PBX4: variants seen among roughly 807,000 people sequenced by gnomAD.
PBX4 encodes pre-B-cell leukemia transcription factor 4.
PBX4 carries 26 observed loss-of-function variants against 35.1 expected under a neutral mutation model. That is an observed-to-expected ratio of 0.74 (90% confidence interval 0.54 to 1.03). The LOEUF (loss-of-function observed/expected upper bound fraction) is 1.03, where lower values mean the gene tolerates loss of function less well. Among genes scored for constraint, PBX4 ranks in the 50% least tolerant of loss-of-function variants. The pLI, the probability that PBX4 is intolerant of heterozygous loss-of-function variation, is 0.00. For missense variants in PBX4, 448 were observed against 504.3 expected (o/e 0.89, Z 1.07); for synonymous variants, 199 against 204.2 (o/e 0.97, Z 0.22).
At chr19:19,574,615 T>C (rs563809050) in intron 2 of PBX4, among the ~76,000 whole-genome samples, 46 of 151,464 alleles carry the variant, frequency 3.0e-4, no homozygotes, top group Admixed American at 1.1e-3. Context: ...TCCAGTTTGG[T>C]GGCCCAATTT....
At position 19,615,033 on chromosome 19, in the gene PBX4, C is replaced by T. The variant is rs183072770; in HGVS notation, c.119+3478G>A. 1.1e-3 allele frequency among the ~76,000 whole-genome samples: 165 copies of T among 151,654 alleles called. 1 individual carries two copies. Among genetic ancestry groups the T allele is most frequent in the African/African-American group, 3.9e-3 (160 of 41,340 alleles). Reference sequence around the variant, plus strand: ...AAAAAAATTAGCCAGGCGGTAGTGGCACACGCCTGTAATCCCAGCTACTCA... The same window carrying T: ...AAAAAAATTAGCCAGGCGGTAGTGGTACACGCCTGTAATCCCAGCTACTCA... On this transcript the variant is annotated intron_variant, in intron 1 of 7. Coordinates refer to ENST00000251203, the MANE Select transcript of PBX4 (RefSeq NM_025245.3).
chr19:19,595,684 A>T (rs530843076), intron 2 of PBX4, among the ~76,000 whole-genome samples: 1 of 147,388 alleles, frequency 6.8e-6, no homozygotes, highest in African/African-American at 2.5e-5. Flanking sequence ...ATGACCTGGC[A>T]CTGGGTGTTG....
At chr19:19,609,726 C>T (rs1182642079) in intron 1 of PBX4, among the ~76,000 whole-genome samples, 2 of 151,950 alleles carry the variant, frequency 1.3e-5, no homozygotes, top group East Asian at 1.9e-4. Flanking sequence ...TGGCGGGTGC[C>T]TGTATTCCCA....
At position 19,570,724 on chromosome 19, in the gene PBX4, TCTTC is replaced by T; in HGVS notation, c.299_302del (p.Gly100GlufsTer42). 1 of 1,614,172 alleles carries T rather than the reference TCTTC, an allele frequency of 6.2e-7. No individual in the cohort carries two copies. The highest frequency in any genetic ancestry group is 8.5e-7 in the Non-Finnish European group (1 of 1,180,036). On this transcript the variant is annotated frameshift_variant, in exon 3 of 8. Transcript: ENST00000251203. LOFTEE classifies it high-confidence loss of function. ...TGCCGGCCCTGGCCACCGCTCCTCC[TCTTC>T]CTCTCTTCTCGGGCCTGCACACGCC...
intron 2 of PBX4, among the ~76,000 whole-genome samples, chr19:19,594,313 G>T (rs776833184): frequency 1.3e-5 from 2 of 151,114 alleles, no homozygotes; most frequent in Non-Finnish European, 2.9e-5. Context: ...GCTGAGGCAG[G>T]AAAATTGCTT....
chr19:19,599,227 A>G, intron 2 of PBX4, 65 bp downstream of exon 2: 1 of 1,394,162 alleles, frequency 7.2e-7, no homozygotes, highest in Non-Finnish European at 1.0e-6. Context: ...TCCGCCTCCC[A>G]ATGTGCTGGG....
intron 1 of PBX4, among the ~76,000 whole-genome samples, chr19:19,610,154 C>T (rs1463411423): frequency 6.6e-6 from 1 of 152,246 alleles, no homozygotes; most frequent in African/African-American, 2.4e-5. Context: ...TGGCTCACGT[C>T]TGTAATCCCA....
chr19:19,565,640 G>A (rs188245557), intron 5 of PBX4, among the ~76,000 whole-genome samples: 6 of 152,142 alleles, frequency 3.9e-5, no homozygotes, highest in East Asian at 3.9e-4. Context: ...TTTTTTGGCC[G>A]GGCGTGGTGG....
intron 2 of PBX4, among the ~76,000 whole-genome samples, chr19:19,591,108 A>T (rs1287540275): frequency 2.0e-5 from 3 of 152,158 alleles, no homozygotes; most frequent in South Asian, 4.1e-4. Flanking sequence ...GGATACTCCA[A>T]TCAACCTGGA....
rs569048667 is a variant in PBX4 at position 19,600,089 on chromosome 19, C to A, written c.120-724G>T. ...CCTTGGAGGCAGAGGTTGCAGTGAG[C>A]CAAGATTGTGCCACTGTACTCCAGC... On this transcript the variant is annotated intron_variant, in intron 1 of 7. Transcript: ENST00000251203. Among the ~76,000 whole-genome samples the A allele has an allele frequency of 2.8e-4, 43 of 151,988 alleles. No homozygotes were observed. In the South Asian group the frequency reaches 8.3e-3, roughly 29 times the overall value.
chr19:19,579,264 G>A (rs565552815), intron 2 of PBX4, among the ~76,000 whole-genome samples: 2 of 151,868 alleles, frequency 1.3e-5, no homozygotes, highest in East Asian at 1.9e-4. Flanking sequence ...CAGAAGAATC[G>A]CTTAAACCTG....
chr19:19,609,102 C>T (rs1192639007), intron 1 of PBX4, among the ~76,000 whole-genome samples: 1 of 152,152 alleles, frequency 6.6e-6, no homozygotes, highest in African/African-American at 2.4e-5. Context: ...CTCCTCTGAG[C>T]AGGAAGCGAT....
chr19:19,570,592 A>C lies in PBX4; in HGVS notation c.435T>G (p.Tyr145Ter), dbSNP rs2061376288. 3.1e-6 allele frequency: 5 copies of C among 1,613,646 alleles called. No homozygotes were observed. Among genetic ancestry groups the C allele is most frequent in the Non-Finnish European group, 4.2e-6 (5 of 1,179,596 alleles). The part of the protein sequence containing the change: ...RQIYHSELEK[Y>*]EQACREFTTH... ...TTCCATGCAGAAAGATCACCTGTTC[A>C]TATTTCTCTAGCTCAGAGTGGTAAA... Residue 145 changes from tyrosine to a stop codon, truncating the protein, a stop_gained, in exon 3 of 8, where the codon TAT (tyrosine) becomes TAG (stop). Transcript: ENST00000251203. LOFTEE classifies it high-confidence loss of function.
chr19:19,563,131 C>T lies in PBX4; in HGVS notation c.1032+378G>A, dbSNP rs745927393. 8.5e-5 allele frequency among the ~76,000 whole-genome samples: 13 copies of T among 152,154 alleles called. No homozygotes were observed. The highest frequency in any genetic ancestry group is 2.1e-4 in the South Asian group (1 of 4,834). On this transcript the variant is annotated intron_variant, in intron 7 of 7. Coordinates refer to ENST00000251203, the MANE Select transcript of PBX4 (RefSeq NM_025245.3). The surrounding 1 kb of genome is among the most constrained non-coding windows in gnomAD (Gnocchi z 5.1). ...AAGCTGCGGCACTGAGGTCTGAGCC[C>T]GAGGGAAGGCCCCATCTCTCCTCCG...
At chr19:19,585,060 G>A (rs1422747322) in intron 2 of PBX4, among the ~76,000 whole-genome samples, 1 of 151,936 alleles carries the variant, frequency 6.6e-6, no homozygotes, top group Non-Finnish European at 1.5e-5. Flanking sequence ...CATCCCACAG[G>A]TTAGTTCATT....
At chr19:19,612,477 C>T (rs1037723586) in intron 1 of PBX4, among the ~76,000 whole-genome samples, 9 of 152,006 alleles carry the variant, frequency 5.9e-5, no homozygotes, top group African/African-American at 2.2e-4. Context: ...TGGGCAGGAT[C>T]AGAAAGATTT....
intron 2 of PBX4, among the ~76,000 whole-genome samples, chr19:19,595,958 T>G (rs888051506): frequency 1.1e-4 from 16 of 152,050 alleles, no homozygotes; most frequent in Non-Finnish European, 2.9e-5. Context: ...GTGGGCCAGG[T>G]ACAGTGGCTC....
Position 19,570,230 on chromosome 19 carries a change from G to A in PBX4, c.511C>T (p.Pro171Ser), listed in dbSNP as rs755719972. The change falls in exon 4 of 8, where the codon CCT becomes TCT. Residue 171 changes from proline to serine, a missense_variant. Coordinates refer to ENST00000251203, the MANE Select transcript of PBX4 (RefSeq NM_025245.3). ...CCGACCATGCGCTCAATCTCCTTAG[G>A]GGAGACAGGCCTCATCCTGCTCTGC... ...QEQSRMRPVS[P>S]KEIERMVGAI... 2 of 1,613,980 alleles carry A rather than the reference G, an allele frequency of 1.2e-6. No individual in the cohort carries two copies. The highest frequency in any genetic ancestry group is 1.1e-5 in the South Asian group (1 of 91,088).
At position 19,570,095 on chromosome 19, in the gene PBX4, G is replaced by A. The variant is rs376020929; in HGVS notation, c.632+14C>T. 92 of 1,584,182 alleles carry A rather than the reference G, an allele frequency of 5.8e-5. No individual in the cohort carries two copies. Among genetic ancestry groups the A allele is most frequent in the African/African-American group, 5.6e-4 (42 of 74,612 alleles). ...AGCCGGCCCTTGAGGTTTTGGGTAC[G>A]TACAGGCCCTGACCTGGCATCGAGC... is the stretch of plus-strand genomic sequence containing the variant. On this transcript the variant is annotated intron_variant, in intron 4 of 7. Transcript: ENST00000251203.
Sources: allele counts gnomAD v4.1 joint callset (sites outside exome capture counted in the v4.1 genomes callset), GRCh38; gene constraint gnomAD v4.1.1; non-coding constraint Gnocchi (gnomAD v3.1); transcripts MANE v1.5; gene names NCBI Gene and HGNC (gene_info 2026-07-23, HGNC 2026-07-21).